The following PTPRK variants were observed in gnomAD, a reference collection of about 807,000 sequenced individuals.
PTPRK encodes protein tyrosine phosphatase receptor type K.
Under a neutral mutation model 178.0 loss-of-function variants are expected in PTPRK, and 75 were observed. The observed-to-expected ratio is 0.42, with a 90% CI of 0.35 to 0.51. The LOEUF (loss-of-function observed/expected upper bound fraction) is 0.51, where lower values mean the gene tolerates loss of function less well. Among genes scored for constraint, PTPRK ranks in the 20% least tolerant of loss-of-function variants. The probability of loss-of-function intolerance (pLI) is 0.02; values close to 1 mark genes in which losing one functional copy is unlikely to be tolerated. For missense variants in PTPRK, 1,441 were observed against 1,797.8 expected, an observed-to-expected ratio of 0.80 and a Z score of 3.59; for synonymous variants, 637 against 620.6, an observed-to-expected ratio of 1.03 and a Z score of -0.39.
At chr6:128,085,516 G>T (rs1785618421) in intron 8 of PTPRK, among the ~76,000 whole-genome samples, 1 of 152,172 alleles carries the variant, frequency 6.6e-6, no homozygotes, top group Non-Finnish European at 1.5e-5. Flanking sequence ...AATAAATGTT[G>T]ATTTGATGGC....
chr6:128,417,910 C>A (rs1296796244), intron 1 of PTPRK, among the ~76,000 whole-genome samples: 1 of 152,176 alleles, frequency 6.6e-6, no homozygotes, highest in Non-Finnish European at 1.5e-5. Context: ...GTTCCTCTCA[C>A]ACTCTTCACA....
chr6:127,981,457 GC>G, intron 24 of PTPRK, among the ~76,000 whole-genome samples, 168 bp from the exon 25 acceptor site: 1 of 152,246 alleles, frequency 6.6e-6, no homozygotes, highest in East Asian at 1.9e-4. Context: ...AGCTAATGAA[GC>G]CTGAGAAGTG....
In PTPRK at chr6:128,184,737, G is replaced by A; in HGVS notation, c.869-12C>T. On this transcript the variant is annotated splice_polypyrimidine_tract_variant and intron_variant, in intron 6 of 29. Coordinates refer to ENST00000368226, the MANE Select transcript of PTPRK (RefSeq NM_002844.4). ...GGGTCTTGGCGGTTCTAGGAGAGAT[G>A]AGTGTGCACTTCAATTAGTAAGATT... is the stretch of plus-strand genomic sequence containing the variant. The A allele has an allele frequency of 6.2e-7, 1 of 1,608,214 alleles. No homozygotes were observed. The highest frequency in any genetic ancestry group is 8.5e-7 in the Non-Finnish European group (1 of 1,176,144).
In PTPRK at chr6:128,520,382, G is replaced by A. The variant is rs757849811; in HGVS notation, c.-24C>T. On this transcript the variant is annotated 5_prime_UTR_variant, in exon 1 of 30. Transcript: ENST00000368226. ...ATGCCGAGTTTGGGAGAAGTTTCAA[G>A]CAGCTTTGCAAAGAGCTGCCGGGGG... The A allele has an allele frequency of 3.2e-6, 5 of 1,584,798 alleles. No individual in the cohort carries two copies. Among genetic ancestry groups the A allele is most frequent in the Admixed American group, 1.8e-5 (1 of 55,880 alleles).
At chr6:128,393,224 G>T (rs1033888510) in intron 2 of PTPRK, among the ~76,000 whole-genome samples, 1 of 151,730 alleles carries the variant, frequency 6.6e-6, no homozygotes, top group Non-Finnish European at 1.5e-5. Flanking sequence ...CTGAGTAGCT[G>T]GGATTACAGG....
intron 11 of PTPRK, 43 bp downstream of exon 11, chr6:128,078,770 T>C: frequency 4.2e-6 from 6 of 1,428,576 alleles, no homozygotes; most frequent in Non-Finnish European, 4.9e-6. Flanking sequence ...GGGATGTACA[T>C]ACCTGTGGAT....
At chr6:128,461,630 T>G (rs1223046778) in intron 1 of PTPRK, among the ~76,000 whole-genome samples, 1 of 152,186 alleles carries the variant, frequency 6.6e-6, no homozygotes, top group Non-Finnish European at 1.5e-5. Flanking sequence ...TACCACAAAA[T>G]TCACCCTTTT....
At chr6:128,252,082 CAG>C (rs1346661566) in intron 3 of PTPRK, among the ~76,000 whole-genome samples, 2 of 152,116 alleles carry the variant, frequency 1.3e-5, no homozygotes, top group Non-Finnish European at 2.9e-5. Flanking sequence ...GACCACAGAT[CAG>C]AAGGAGAAAA....
In PTPRK at chr6:128,384,998, C is replaced by T. The variant is rs558446874; in HGVS notation, c.223+12568G>A. 4.0e-3 allele frequency among the ~76,000 whole-genome samples: 599 copies of T among 150,380 alleles called. 3 individuals are homozygous for T. Among genetic ancestry groups the T allele is most frequent in the Non-Finnish European group, 6.4e-3 (430 of 67,602 alleles). Reference sequence around the variant, plus strand: ...TTTTGATGATTAAAAACAAATACAACTTTATTTCTTGGAAGAGCTGAGTTT... The same window carrying T: ...TTTTGATGATTAAAAACAAATACAATTTTATTTCTTGGAAGAGCTGAGTTT... On this transcript the variant is annotated intron_variant, in intron 2 of 29. Coordinates refer to ENST00000368226, the MANE Select transcript of PTPRK (RefSeq NM_002844.4).
chr6:128,415,871 C>CTA (rs956748127), intron 1 of PTPRK, among the ~76,000 whole-genome samples: 5 of 151,968 alleles, frequency 3.3e-5, no homozygotes, highest in Non-Finnish European at 7.4e-5. Context: ...AATTCCATTC[C>CTA]TATATATACG....
intron 29 of PTPRK, among the ~76,000 whole-genome samples, chr6:127,971,196 T>C (rs1773860054): frequency 6.6e-6 from 1 of 152,216 alleles, no homozygotes; most frequent in African/African-American, 2.4e-5. Context: ...AGCCCATCTA[T>C]GGACTTGCTC....
chr6:128,077,470 A>G (rs1205385056), intron 11 of PTPRK, among the ~76,000 whole-genome samples: 1 of 152,018 alleles, frequency 6.6e-6, no homozygotes, highest in African/African-American at 2.4e-5. Context: ...TTGTCAATAC[A>G]TTTCTTAAAT....
Position 128,125,494 on chromosome 6 carries a change from G to A in PTPRK, c.1163-35502C>T, listed in dbSNP as rs181207915. ...AGCCACTATACTTCCAGTACAGCCT[G>A]TGGAACTGGGAGCCAATTAAACCTT... On this transcript the variant is annotated intron_variant, in intron 7 of 29. Coordinates refer to ENST00000368226, the MANE Select transcript of PTPRK (RefSeq NM_002844.4). Among the ~76,000 whole-genome samples the A allele has an allele frequency of 2.6e-5, 4 of 151,844 alleles. No individual in the cohort carries two copies. In the East Asian group the frequency reaches 7.7e-4, roughly 29 times the overall value.
At chr6:128,305,865 C>A (rs1392484562) in intron 3 of PTPRK, among the ~76,000 whole-genome samples, 2 of 152,168 alleles carry the variant, frequency 1.3e-5, no homozygotes, top group Non-Finnish European at 2.9e-5. Flanking sequence ...TATATGCTAG[C>A]TATTATGATG....
intron 3 of PTPRK, among the ~76,000 whole-genome samples, chr6:128,244,933 G>A (rs1038080721): frequency 6.6e-6 from 1 of 152,114 alleles, no homozygotes; most frequent in African/African-American, 2.4e-5. Context: ...CATCACTTGG[G>A]GTTAGCTCTT....
At chr6:128,203,393 C>T (rs765621938) in intron 6 of PTPRK, among the ~76,000 whole-genome samples, 2 of 152,190 alleles carry the variant, frequency 1.3e-5, no homozygotes, top group Non-Finnish European at 2.9e-5. Context: ...TCTCTCACCA[C>T]TCCTATTCAA....
chr6:128,309,878 ATGGTTTAAGT>A (rs1313497037), intron 3 of PTPRK, among the ~76,000 whole-genome samples: 1 of 150,816 alleles, frequency 6.6e-6, no homozygotes, highest in Non-Finnish European at 1.5e-5. Context: ...ATCACAAAAA[ATGGTTTAAGT>A]AATCTCCCTT....
At chr6:128,143,497 T>C (rs999595249) in intron 7 of PTPRK, among the ~76,000 whole-genome samples, 2 of 152,140 alleles carry the variant, frequency 1.3e-5, no homozygotes, top group South Asian at 2.1e-4. Context: ...TCTATTAGTG[T>C]TTTAGAATAT....
chr6:128,253,531 A>G (rs1816813752), intron 3 of PTPRK, among the ~76,000 whole-genome samples: 1 of 152,160 alleles, frequency 6.6e-6, no homozygotes, highest in East Asian at 1.9e-4. Flanking sequence ...TTCTATCAAC[A>G]TGACACTGAA....
Sources: gnomAD v4.1 joint callset for allele counts (sites outside exome capture counted in the v4.1 genomes callset) on GRCh38, gnomAD v4.1.1 for gene constraint, MANE v1.5 for transcripts, NCBI Gene and HGNC (gene_info 2026-07-23, HGNC 2026-07-21) for gene names.